MYRFL: variants seen among roughly 807,000 people sequenced by gnomAD.
The protein encoded by MYRFL is myelin regulatory factor like, also known as myelin regulatory factor-like protein.
A neutral mutation model predicts 109.4 loss-of-function variants in MYRFL; 88 were observed. The ratio of observed to expected loss-of-function variants is 0.80; its 90% CI spans 0.68 to 0.96. MYRFL has a LOEUF of 0.96. Ranked by LOEUF, MYRFL falls within the 40% of genes least tolerant of loss-of-function variation. The pLI is 0.00. For synonymous variants in MYRFL, 324 were observed against 320.9 expected, an observed-to-expected ratio of 1.01 and a Z score of -0.10; for missense variants, 957 against 954.9, an observed-to-expected ratio of 1.00 and a Z score of -0.03.
At position 69,958,565 on chromosome 12, in the gene MYRFL, A is replaced by C. The variant is rs529000414; in HGVS notation, c.*34A>C. ...AGTTTGGGGACTTTACCAAAGAAAA[A>C]TACTCAGGAATACATTTAACAGAAA... is the stretch of plus-strand genomic sequence containing the variant. On this transcript the variant is annotated 3_prime_UTR_variant, in exon 25 of 25. Transcript: ENST00000552032. 30 of 1,387,576 alleles carry C rather than the reference A, an allele frequency of 2.2e-5. No homozygotes were observed. The highest frequency in any genetic ancestry group is 2.8e-5 in the Non-Finnish European group (29 of 1,025,066). 86.0% of individuals were successfully genotyped at this position (1,387,576 alleles called of 1,614,324 possible).
intron 1 of MYRFL, among the ~76,000 whole-genome samples, chr12:69,841,533 A>T (rs1223545111): frequency 6.6e-6 from 1 of 152,182 alleles, no homozygotes; most frequent in Non-Finnish European, 1.5e-5. Context: ...ATGAAGTTGG[A>T]AGAGATGTGC....
chr12:69,935,739 C>T (rs148834906), intron 16 of MYRFL, among the ~76,000 whole-genome samples: 9 of 152,350 alleles, frequency 5.9e-5, no homozygotes, highest in Admixed American at 2.6e-4. Context: ...ACCGGTGGCA[C>T]GCAAACTGTG....
intron 19 of MYRFL, among the ~76,000 whole-genome samples, chr12:69,944,469 G>C (rs1453599733): frequency 6.9e-6 from 1 of 145,768 alleles, no homozygotes; most frequent in Non-Finnish European, 1.5e-5. Context: ...TCACTCATAG[G>C]TGGGAATTGA....
At chr12:69,928,400 C>G (rs1175184546) in intron 15 of MYRFL, among the ~76,000 whole-genome samples, 3 of 152,216 alleles carry the variant, frequency 2.0e-5, no homozygotes, top group Non-Finnish European at 4.4e-5. Context: ...AGCTTGCTCC[C>G]TCTGATCCAG....
rs1269370559 is a variant in MYRFL at position 69,936,509 on chromosome 12, T to G, written c.2101T>G (p.Phe701Val). The G allele has an allele frequency of 6.5e-6, 10 of 1,536,120 alleles. No individual in the cohort carries two copies. Among genetic ancestry groups the G allele is most frequent in the Non-Finnish European group, 8.7e-6 (10 of 1,146,918 alleles). ...PASLQVPEITFCEILPCQETY... is the reference protein window; with the variant it reads ...PASLQVPEITVCEILPCQETY... ...CTCCTTACAAGTACCTGAAATTACTTTCTGTGAAATCCTGCCGTGTCAGGA... is the reference window on the plus strand; with the variant it reads ...CTCCTTACAAGTACCTGAAATTACTGTCTGTGAAATCCTGCCGTGTCAGGA... Residue 701 changes from phenylalanine (F) to valine (V), a missense_variant, in exon 19 of 25, where the codon TTC (phenylalanine) becomes GTC (valine). By Grantham distance (50) the Phe-to-Val change is conservative. Transcript: ENST00000552032.
intron 2 of MYRFL, among the ~76,000 whole-genome samples, chr12:69,877,028 T>TTCTTTCTTTCTTTC (rs1565988313): frequency 1.5e-5 from 2 of 130,178 alleles, no homozygotes; most frequent in East Asian, 2.3e-4. Flanking sequence ...TCTTTCTTTT[T>TTCTTTCTTTCTTTC]TTTTTTTTTT....
chr12:69,861,095 G>A (rs959652285), intron 2 of MYRFL, among the ~76,000 whole-genome samples: 4 of 150,132 alleles, frequency 2.7e-5, no homozygotes, highest in East Asian at 2.0e-4. Flanking sequence ...TTTTATGGCT[G>A]CATAGTATTC....
At chr12:69,951,928 T>C (rs191423812) in intron 19 of MYRFL, among the ~76,000 whole-genome samples, 185 bp from the exon 20 acceptor site, 62 of 152,330 alleles carry the variant, frequency 4.1e-4, no homozygotes, top group African/African-American at 1.3e-3. Flanking sequence ...ACAGATGACT[T>C]CTTGCAGAAG....
At chr12:69,853,001 C>G (rs530023395) in intron 1 of MYRFL, among the ~76,000 whole-genome samples, 1 of 152,204 alleles carries the variant, frequency 6.6e-6, no homozygotes, top group Non-Finnish European at 1.5e-5. Context: ...ACACAGACAC[C>G]GTAACATCTG....
intron 13 of MYRFL, among the ~76,000 whole-genome samples, chr12:69,922,396 A>G (rs576049557): frequency 3.9e-5 from 6 of 152,172 alleles, no homozygotes; most frequent in African/African-American, 1.4e-4. Flanking sequence ...AAAATTTAGA[A>G]GGGCTTTTGT....
intron 2 of MYRFL, among the ~76,000 whole-genome samples, chr12:69,873,821 T>C (rs1367423518): frequency 6.9e-6 from 1 of 145,150 alleles, no homozygotes; most frequent in Non-Finnish European, 1.5e-5. Flanking sequence ...TAGTTAAGTC[T>C]GACATTTAAT....
intron 2 of MYRFL, among the ~76,000 whole-genome samples, chr12:69,862,753 C>A (rs1297326360): frequency 7.9e-5 from 12 of 152,290 alleles, no homozygotes; most frequent in Admixed American, 7.8e-4. Flanking sequence ...CCTTCTCCTG[C>A]CTGATTGCCC....
At chr12:69,914,744 A>G (rs979359709) in intron 13 of MYRFL, among the ~76,000 whole-genome samples, 1 of 152,180 alleles carries the variant, frequency 6.6e-6, no homozygotes, top group African/African-American at 2.4e-5. Flanking sequence ...TTCCTGTTCC[A>G]GGCAGCCAGC....
intron 19 of MYRFL, among the ~76,000 whole-genome samples, chr12:69,948,710 AAAAT>A (rs72222821): frequency 0.13 from 19,352 of 152,168 alleles, 1,829 homozygotes; most frequent in East Asian, 0.48. Context: ...CTTGTAAAGG[AAAAT>A]AAATATTCAA....
chr12:69,848,159 T>C (rs1244162656), intron 1 of MYRFL, among the ~76,000 whole-genome samples: 1 of 152,144 alleles, frequency 6.6e-6, no homozygotes, highest in South Asian at 2.1e-4. Flanking sequence ...TGGACTTTAT[T>C]ATGTTCAAAA....
chr12:69,849,115 GC>G (rs1399352774), intron 1 of MYRFL, among the ~76,000 whole-genome samples: 3 of 152,150 alleles, frequency 2.0e-5, no homozygotes, highest in African/African-American at 7.2e-5. Context: ...TAAGTGATCT[GC>G]CCATCTCAGC....
Position 69,958,607 on chromosome 12 carries a change from A to ACTT in MYRFL, c.*80_*82dup. The ACTT allele has an allele frequency of 4.6e-6, 5 of 1,094,530 alleles. No homozygotes were observed. In the South Asian group the frequency reaches 6.0e-5, roughly 13 times the overall value. 67.8% of individuals were successfully genotyped at this position (1,094,530 alleles called of 1,614,324 possible). On this transcript the variant is annotated 3_prime_UTR_variant, in exon 25 of 25. Transcript: ENST00000552032. The stretch of plus-strand genomic sequence containing the variant: ...TAACAGAAACGAACATCCTCTTGCA[A>ACTT]CTTCTTTTTTCTTCTTTGTAAAACA...
At chr12:69,908,065 T>C (rs185425385) in intron 11 of MYRFL, among the ~76,000 whole-genome samples, 1 of 152,308 alleles carries the variant, frequency 6.6e-6, no homozygotes, top group Admixed American at 6.5e-5. Flanking sequence ...GTTCATGGTG[T>C]TCTCTGTGGC....
At chr12:69,935,998 C>T (rs1955442090) in intron 16 of MYRFL, 115 bp from the exon 17 acceptor site, 2 of 1,224,166 alleles carry the variant, frequency 1.6e-6, no homozygotes, top group Non-Finnish European at 2.2e-6. Context: ...CCCCCTGCTC[C>T]CATCTGTGTG....
Sources: allele counts gnomAD v4.1 joint callset (sites outside exome capture counted in the v4.1 genomes callset), GRCh38; gene constraint gnomAD v4.1.1; transcripts MANE v1.5; gene names NCBI Gene and HGNC (gene_info 2026-07-23, HGNC 2026-07-21).